OPLAH: variants seen among roughly 807,000 people sequenced by gnomAD.
The protein encoded by OPLAH is 5-oxoprolinase, ATP-hydrolysing, also known as 5-oxoprolinase.
In OPLAH, 103 loss-of-function variants were observed where a neutral mutation model predicts 122.8. The ratio of observed to expected loss-of-function variants is 0.84; its 90% CI spans 0.71 to 0.99. The LOEUF (loss-of-function observed/expected upper bound fraction) is 0.99, where lower values mean the gene tolerates loss of function less well. Among genes scored for constraint, OPLAH ranks in the 50% least tolerant of loss-of-function variants. OPLAH has a pLI of 0.00. For synonymous variants in OPLAH, 875 were observed against 796.0 expected, an observed-to-expected ratio of 1.10 and a Z score of -1.67; for missense variants, 1,902 against 1,836.5, an observed-to-expected ratio of 1.04 and a Z score of -0.65.
In OPLAH at chr8:144,059,891, T is replaced by G. The variant is rs960779440; in HGVS notation, c.142A>C (p.Thr48Pro). 6.2e-7 allele frequency: 1 copy of G among 1,612,636 alleles called. No homozygotes were observed. Among genetic ancestry groups the G allele is most frequent in the African/African-American group, 1.3e-5 (1 of 74,940 alleles). Reference sequence around the variant, plus strand: ...TCCAGGATGCGGCGGATGCCTTCGGTTGGCGCGTCCGCATAGTTGGCAGGG... The same window carrying G: ...TCCAGGATGCGGCGGATGCCTTCGGGTGGCGCGTCCGCATAGTTGGCAGGG... ...EDPANYADAP[T>P]EGIRRILEQE... is the part of the protein sequence containing the mutation. The change falls in exon 2 of 27, where the codon ACC becomes CCC. Residue 48 changes from threonine to proline, a missense_variant. This residue lies in a region of OPLAH where 168 missense variants were observed against 170.6 expected (regional missense o/e 0.98). Transcript: ENST00000618853.
At chr8:144,063,274 G>A (rs908874590), upstream of OPLAH, among the ~76,000 whole-genome samples, 18 of 151,968 alleles carry the variant, frequency 1.2e-4, no homozygotes, top group South Asian at 2.1e-4. The surrounding 1 kb of genome is among the most constrained non-coding windows in gnomAD (Gnocchi z 4.2). Flanking sequence ...ATCCCCACAC[G>A]CAATCTGCCA....
intron 17 of OPLAH, 31 bp downstream of exon 17, chr8:144,054,998 G>T (rs1357496122): frequency 5.7e-6 from 6 of 1,049,246 alleles, no homozygotes; most frequent in South Asian, 1.8e-5. Context: ...TGAGGGAGGG[G>T]GATGGAAGGG....
intron 19 of OPLAH, 133 bp from the exon 20 acceptor site, chr8:144,053,526 A>C: frequency 1.2e-6 from 1 of 842,710 alleles, no homozygotes; most frequent in South Asian, 1.8e-5. Flanking sequence ...TCAGCACCTC[A>C]GGAAAGCCCC....
rs782017956 is a variant in OPLAH at position 144,059,744 on chromosome 8, T to C, written c.218A>G (p.His73Arg). ...LPRDQPLDSS[H>R]IASIRMGTTV... ...GGTGCCCATGCGGATGCTGGCGATA[T>C]GACTGGAGTCCAGCGGCTGGTCCCG... Residue 73 changes from histidine to arginine, a missense_variant, in exon 3 of 27, where the codon CAT (histidine) becomes CGT (arginine). Coordinates refer to ENST00000618853, the MANE Select transcript of OPLAH (RefSeq NM_017570.5). 2 of 1,610,482 alleles carry C rather than the reference T, an allele frequency of 1.2e-6. No individual in the cohort carries two copies. Among genetic ancestry groups the C allele is most frequent in the Non-Finnish European group, 1.7e-6 (2 of 1,179,544 alleles).
upstream of OPLAH, among the ~76,000 whole-genome samples, chr8:144,061,108 G>A (rs779351299): frequency 6.6e-6 from 1 of 152,238 alleles, no homozygotes; most frequent in Non-Finnish European, 1.5e-5. Flanking sequence ...TCTCCTGTGC[G>A]GTATCTCTGG....
rs1554760541 is a variant in OPLAH at position 144,060,014 on chromosome 8, G to C, written c.19C>G (p.Arg7Gly). The C allele has an allele frequency of 6.2e-7, 1 of 1,612,292 alleles. No homozygotes were observed. The highest frequency in any genetic ancestry group is 8.5e-7 in the Non-Finnish European group (1 of 1,179,664). ...CCACGGTCGATGGCAAAGTGGAAGC[G>C]GCCCTCGGGGCTGCCCATGGTGGTG... MGSPEGRFHFAIDRGGT... is the reference protein window; with the variant it reads MGSPEGGFHFAIDRGGT... Residue 7 changes from arginine to glycine, a missense_variant, in exon 2 of 27, where the codon CGC (arginine) becomes GGC (glycine). Coordinates refer to ENST00000618853, the MANE Select transcript of OPLAH (RefSeq NM_017570.5).
In OPLAH at chr8:144,051,959, T is replaced by A; in HGVS notation, c.3579A>T (p.Ser1193=). 6.4e-7 allele frequency: 1 copy of A among 1,566,424 alleles called. No homozygotes were observed. The highest frequency in any genetic ancestry group is 8.6e-7 in the Non-Finnish European group (1 of 1,164,860). The change falls in exon 25 of 27, where the codon TCA becomes TCT. Residue 1193 remains serine (S), a synonymous_variant. Coordinates refer to ENST00000618853, the MANE Select transcript of OPLAH (RefSeq NM_017570.5). The part of the protein sequence containing the change: ...ELLFREEALL[S]VLTERRAFRP... ...GGAAGGCGCGGCGCTCGGTCAGCAC[T>A]GACAGCAGCGCCTCCTCACGAAAGA...
At position 144,051,821 on chromosome 8, in the gene OPLAH, C is replaced by T. The variant is rs377444997; in HGVS notation, c.3628G>A (p.Glu1210Lys). ...AGGTTTAGGCCGCGGGCGCCAGGCT[C>T]GCCCCCTGCGGAGGGAGGCGAGGAG... is the stretch of plus-strand genomic sequence containing the variant. ...AFRPYGLHGG[E>K]PGARGLNLLI... The change falls in exon 26 of 27, where the codon GAG (glutamate) becomes AAG (lysine). Residue 1210 changes from glutamate to lysine, a missense_variant. Coordinates refer to ENST00000618853, the MANE Select transcript of OPLAH (RefSeq NM_017570.5). 70 of 1,593,392 alleles carry T rather than the reference C, an allele frequency of 4.4e-5. No individual in the cohort carries two copies. In the African/African-American group the frequency reaches 9.1e-4, roughly 21 times the overall value.
In OPLAH at chr8:144,059,965, G is replaced by A; in HGVS notation, c.68C>T (p.Ala23Val). 1 of 1,612,794 alleles carries A rather than the reference G, an allele frequency of 6.2e-7. No individual in the cohort carries two copies. Among genetic ancestry groups the A allele is most frequent in the Non-Finnish European group, 8.5e-7 (1 of 1,179,840 alleles). Residue 23 changes from alanine (A) to valine (V), a missense_variant, in exon 2 of 27, where the codon GCC (alanine) becomes GTC (valine). Ala to Val is a moderately conservative substitution (Grantham distance 64, BLOSUM62 0). Transcript: ENST00000618853. ...DRGGTFTDVF[A>V]QCPGGHVRVL... Reference sequence around the variant, plus strand: ...CCGCACGTGCCCCCCTGGGCACTGGGCAAAGACGTCTGTGAAGGTACCCCC... The same window carrying A: ...CCGCACGTGCCCCCCTGGGCACTGGACAAAGACGTCTGTGAAGGTACCCCC...
rs1370604098 is a variant in OPLAH at position 144,056,632 on chromosome 8, T to C, written c.1830A>G (p.Ala610=). 1.9e-6 allele frequency: 3 copies of C among 1,612,284 alleles called. No individual in the cohort carries two copies. The highest frequency in any genetic ancestry group is 2.5e-6 in the Non-Finnish European group (3 of 1,179,776). The part of the protein sequence containing the change: ...ARSPRAGDFG[A]AFVERYMREF... ...AAGCCACGTACCGCTCCACAAAGGC[T>C]GCCCCGAAGTCCCCCGCACGGGGCG... The change falls in exon 13 of 27, where the codon GCA becomes GCG. Residue 610 remains alanine (A), a synonymous_variant. Coordinates refer to ENST00000618853, the MANE Select transcript of OPLAH (RefSeq NM_017570.5).
chr8:144,054,553 C>T lies in OPLAH; in HGVS notation c.2686+8G>A. 2 of 1,569,732 alleles carry T rather than the reference C, an allele frequency of 1.3e-6. No homozygotes were observed. The highest frequency in any genetic ancestry group is 1.7e-6 in the Non-Finnish European group (2 of 1,152,566). On this transcript the variant is annotated splice_region_variant and intron_variant, in intron 19 of 26. Transcript: ENST00000618853. ...ACAGAAGGCCTGCCCCACCCCACTC[C>T]CACTCACCCTCCTCCTGGAAGACGC... is the stretch of plus-strand genomic sequence containing the variant.
In OPLAH at chr8:144,051,925, C is replaced by A. The variant is rs1014294544; in HGVS notation, c.3613G>T (p.Gly1205Trp). ...CTGGGGAACCGCGCACCGTGGAGCC[C>A]GTATGGCCGGAAGGCGCGGCGCTCG... ...LTERRAFRPY[G>W]LHGGEPGARG... Residue 1205 changes from glycine to tryptophan, a missense_variant, in exon 25 of 27, where the codon GGG becomes TGG. Physicochemically the swap from Gly to Trp is radical, Grantham distance 184. Coordinates refer to ENST00000618853, the MANE Select transcript of OPLAH (RefSeq NM_017570.5). The A allele has an allele frequency of 2.6e-6, 4 of 1,535,326 alleles. No homozygotes were observed. Among genetic ancestry groups the A allele is most frequent in the Non-Finnish European group, 3.5e-6 (4 of 1,147,528 alleles).
Position 144,051,842 on chromosome 8 carries a change from AG to A in OPLAH, c.3623-17del, listed in dbSNP as rs1554757734. The stretch of plus-strand genomic sequence containing the variant: ...GGCTCGCCCCCTGCGGAGGGAGGCG[AG>A]GAGTCCAGAGAGACCAGGGGCGGGG... On this transcript the variant is annotated splice_polypyrimidine_tract_variant and intron_variant, in intron 25 of 26. Coordinates refer to ENST00000618853, the MANE Select transcript of OPLAH (RefSeq NM_017570.5). 1.1e-5 allele frequency: 13 copies of A among 1,133,098 alleles called. No homozygotes were observed. The highest frequency in any genetic ancestry group is 1.3e-5 in the Non-Finnish European group (12 of 895,604). 70.2% of individuals were successfully genotyped at this position (1,133,098 alleles called of 1,614,324 possible). A position where few individuals can be genotyped will look rare whatever the true frequency, so the allele number is the denominator to read the frequency against.
At chr8:144,059,311 C>T (rs7833558) in intron 3 of OPLAH, among the ~76,000 whole-genome samples, 124 of 152,332 alleles carry the variant, frequency 8.1e-4, no homozygotes, top group African/African-American at 2.9e-3. Flanking sequence ...CTTCCGGAAA[C>T]GCAGCAGTAG....
Position 144,051,596 on chromosome 8 carries a change from G to A in OPLAH, c.3721-124C>T, listed in dbSNP as rs900341992. ...CCGCCCCCATGGACCACGGAGGCCC[G>A]GTACGCGCCCCCTTTCCTTCCGGGG... On this transcript the variant is annotated intron_variant, in intron 26 of 26. Coordinates refer to ENST00000618853, the MANE Select transcript of OPLAH (RefSeq NM_017570.5). The A allele has an allele frequency of 8.5e-5, 99 of 1,161,320 alleles. No homozygotes were observed. In the African/African-American group the frequency reaches 1.3e-3, roughly 15 times the overall value. The allele number at this position is 1,161,320 out of a possible 1,614,324, so 71.9% of individuals were successfully genotyped here.
rs191492397 is a variant in OPLAH at position 144,053,179 on chromosome 8, T to C, written c.2871+30A>G. ...GGCCAGGTCACCTGCAGGATGGCCC[T>C]GCCGCCCACACTCCTGTGCCCAGGC... On this transcript the variant is annotated intron_variant, in intron 20 of 26. Coordinates refer to ENST00000618853, the MANE Select transcript of OPLAH (RefSeq NM_017570.5). 4.1e-5 allele frequency: 66 copies of C among 1,610,302 alleles called. No homozygotes were observed. The East Asian group carries it at 1.4e-3, about 34-fold the overall frequency.
downstream of OPLAH, chr8:144,050,473 G>C (rs1035384109): frequency 1.0e-6 from 1 of 985,496 alleles, no homozygotes; most frequent in African/African-American, 1.7e-5. Context: ...AGCAGGAGAG[G>C]AGGGCGAGGA....
chr8:144,056,343 C>G, intron 14 of OPLAH, 42 bp downstream of exon 14: 1 of 1,594,628 alleles, frequency 6.3e-7, no homozygotes, highest in Non-Finnish European at 8.6e-7. Flanking sequence ...CATCCCGGTG[C>G]CCCATGGGTG....
Position 144,052,423 on chromosome 8 carries a change from G to C in OPLAH, c.3303+26C>G, listed in dbSNP as rs782245248. 6.1e-6 allele frequency: 9 copies of C among 1,463,764 alleles called. No individual in the cohort carries two copies. In the South Asian group the frequency reaches 1.1e-4, roughly 18 times the overall value. The allele number at this position is 1,463,764 out of a possible 1,614,324, so 90.7% of individuals were successfully genotyped here. A position where few individuals can be genotyped will look rare whatever the true frequency, so the allele number is the denominator to read the frequency against. On this transcript the variant is annotated intron_variant, in intron 23 of 26. Transcript: ENST00000618853. ...CAGCCTGCCCACCCAGTCCGCCCCCGAGCTGCGCCCACCCCGCCCCCGCAC... is the reference window on the plus strand; with the variant it reads ...CAGCCTGCCCACCCAGTCCGCCCCCCAGCTGCGCCCACCCCGCCCCCGCAC...
Sources: allele counts gnomAD v4.1 joint callset (sites outside exome capture counted in the v4.1 genomes callset), GRCh38; gene constraint gnomAD v4.1.1; regional missense constraint gnomAD v4.1.1; non-coding constraint Gnocchi (gnomAD v3.1); transcripts MANE v1.5; gene names NCBI Gene and HGNC (gene_info 2026-07-23, HGNC 2026-07-21).